BCORL1: variants seen among roughly 807,000 people sequenced by gnomAD.
BCORL1 encodes the protein BCL6 corepressor like 1, also known as BCL-6 corepressor-like protein 1.
In BCORL1, 7 loss-of-function variants were observed where a neutral mutation model predicts 87.6. That is an observed-to-expected ratio of 0.08 (90% CI 0.05 to 0.15). The LOEUF (loss-of-function observed/expected upper bound fraction) is 0.15, where lower values mean the gene tolerates loss of function less well. Among genes scored for constraint, BCORL1 ranks in the 10% least tolerant of loss-of-function variants. The pLI is 1.00. For missense variants in BCORL1, 1,215 were observed against 1,499.7 expected, an observed-to-expected ratio of 0.81 and a Z score of 3.13; for synonymous variants, 591 against 634.4, an observed-to-expected ratio of 0.93 and a Z score of 1.03.
intron 9 of BCORL1, among the ~76,000 whole-genome samples, chrX:130,036,545 G>A (rs1447495827): frequency 8.9e-6 from 1 of 112,811 alleles, no homozygotes; most frequent in African/African-American, 3.2e-5. Flanking sequence ...ACAGGCGTGA[G>A]CCACTGCACC....
At chrX:130,051,324 C>T (rs1034772751) in intron 12 of BCORL1, among the ~76,000 whole-genome samples, 22 of 112,839 alleles carry the variant, frequency 1.9e-4, no homozygotes, top group Admixed American at 1.9e-4. Context: ...GGGCTAGGGA[C>T]TGAAGATGAA....
intron 5 of BCORL1, 111 bp downstream of exon 5, chrX:130,021,261 A>C: frequency 1.8e-6 from 2 of 1,084,021 alleles, no homozygotes; most frequent in Non-Finnish European, 2.4e-6. Flanking sequence ...GAAAAGTGAG[A>C]CTTCTTCACT....
intron 1 of BCORL1, among the ~76,000 whole-genome samples, chrX:129,990,393 G>A (rs1237350020): frequency 1.8e-5 from 2 of 109,760 alleles, no homozygotes; most frequent in Non-Finnish European, 3.8e-5. Context: ...CACCGTGCCC[G>A]GCTAATTTTT....
intron 8 of BCORL1, among the ~76,000 whole-genome samples, chrX:130,032,611 A>G (rs1410455861): frequency 9.0e-6 from 1 of 111,497 alleles, no homozygotes; most frequent in African/African-American, 3.3e-5. Context: ...TGACTCCCAC[A>G]GTCTGCCCTC....
intron 1 of BCORL1, among the ~76,000 whole-genome samples, chrX:129,985,627 A>G (rs150427360): frequency 0.015 from 1,691 of 111,577 alleles, 31 homozygotes; most frequent in African/African-American, 0.053. Context: ...AGTCAAGTTA[A>G]GAGAATCTGA....
intron 5 of BCORL1, among the ~76,000 whole-genome samples, chrX:130,021,587 C>G (rs1433187350): frequency 8.9e-6 from 1 of 112,024 alleles, no homozygotes; most frequent in Non-Finnish European, 1.9e-5. Context: ...TTAGAGAAAT[C>G]TTAAACGTTT....
chrX:129,994,172 G>A (rs781376230), intron 1 of BCORL1, among the ~76,000 whole-genome samples: 70 of 112,755 alleles, frequency 6.2e-4, no homozygotes, highest in African/African-American at 2.1e-3. Flanking sequence ...CAGGTGACAT[G>A]GTAAATGGAC....
chrX:129,992,558 C>G (rs1282869067), intron 1 of BCORL1, among the ~76,000 whole-genome samples: 1 of 112,254 alleles, frequency 8.9e-6, no homozygotes, highest in Middle Eastern at 4.2e-3. Flanking sequence ...ATAGCTGAGT[C>G]TGTTCTGTTG....
chrX:130,019,161 A>G (rs1232968026), intron 4 of BCORL1, among the ~76,000 whole-genome samples: 2 of 112,439 alleles, frequency 1.8e-5, no homozygotes, highest in Non-Finnish European at 3.8e-5. Flanking sequence ...AACTTCATGC[A>G]TAAGTTGGAG....
Position 130,055,878 on chromosome X carries a change from C to T in BCORL1, c.5100C>T (p.Ser1700=), listed in dbSNP as rs747185890. 20 of 1,207,428 alleles carry T rather than the reference C, an allele frequency of 1.7e-5. No individual in the cohort carries two copies. Among genetic ancestry groups the T allele is most frequent in the Non-Finnish European group, 2.1e-5 (19 of 893,557 alleles). ...SRGPCNWFLF[S]DVLKRLKLSS... ...GGCCCTGCAACTGGTTCCTCTTTTC[C>T]GATGTCTTGAAGAGGCTGAAGCTTT... The change falls in exon 14 of 14, where the codon TCC becomes TCT. Residue 1700 remains serine, a synonymous_variant. Transcript: ENST00000540052.
At position 130,031,397 on chromosome X, in the gene BCORL1, G is replaced by A. The variant is rs187168958; in HGVS notation, c.4305+2536G>A. 6.2e-5 allele frequency among the ~76,000 whole-genome samples: 7 copies of A among 112,484 alleles called. No homozygotes were observed. The East Asian group carries it at 1.7e-3, about 27-fold the overall frequency. On this transcript the variant is annotated intron_variant, in intron 8 of 13. Transcript: ENST00000540052. ...GAGCCCTCATCTTCTGTTCTCTACT[G>A]CTCCTTTCCTGACTTGATGTCTTTT...
intron 11 of BCORL1, among the ~76,000 whole-genome samples, chrX:130,042,036 G>A (rs1203503157): frequency 9.0e-6 from 1 of 111,457 alleles, no homozygotes; most frequent in Non-Finnish European, 1.9e-5. Flanking sequence ...GTGTTGCCCA[G>A]GCTAGAGACT....
chrX:130,019,672 C>T (rs765807872), intron 4 of BCORL1, among the ~76,000 whole-genome samples: 3 of 111,852 alleles, frequency 2.7e-5, no homozygotes, highest in South Asian at 7.5e-4. Context: ...CCCCAGCCCC[C>T]GAAAATGTTC....
rs770946442 is a variant in BCORL1, at chrX:130,013,198, T to G, written c.426T>G (p.Thr142=). 2.7e-5 allele frequency: 33 copies of G among 1,210,504 alleles called. 1 individual carries two copies. The Admixed American group carries it at 5.5e-4, about 20-fold the overall frequency. Residue 142 remains threonine, a synonymous_variant, in exon 4 of 14, where the codon ACT becomes ACG. Coordinates refer to ENST00000540052, the MANE Select transcript of BCORL1 (RefSeq NM_001379451.1). ...ASNSRADCSW[T]PLNTQMSKQV... Reference sequence around the variant, plus strand: ...ACAGCAGGGCCGACTGCTCCTGGACTCCACTCAACACCCAAATGAGCAAAC... The same window carrying G: ...ACAGCAGGGCCGACTGCTCCTGGACGCCACTCAACACCCAAATGAGCAAAC...
rs1035534692 is a variant in BCORL1 at position 130,014,116 on chromosome X, G to A, written c.1344G>A (p.Pro448=). The A allele has an allele frequency of 2.4e-5, 29 of 1,210,733 alleles. No homozygotes were observed. The highest frequency in any genetic ancestry group is 3.1e-5 in the Non-Finnish European group (28 of 895,096). Reference sequence around the variant, plus strand: ...GGACAGTGCTGACCCCGAGCCAGCCGCTGGTATATATCCCGCCTCCAAGCT... The same window carrying A: ...GGACAGTGCTGACCCCGAGCCAGCCACTGGTATATATCCCGCCTCCAAGCT... ...QPGTVLTPSQ[P]LVYIPPPSCG... is the part of the protein sequence containing the mutation. The change falls in exon 4 of 14, where the codon CCG becomes CCA. Residue 448 remains proline, a synonymous_variant. Transcript: ENST00000540052.
chrX:130,025,496 C>G (rs1215426992), intron 7 of BCORL1, 117 bp downstream of exon 7: 6 of 684,694 alleles, frequency 8.8e-6, no homozygotes, highest in Non-Finnish European at 1.3e-5. Flanking sequence ...GCTATGATCT[C>G]CAGCTGCCAG....
At position 130,014,654 on chromosome X, in the gene BCORL1, T is replaced by G; in HGVS notation, c.1882T>G (p.Ser628Ala). ...SEMPLDLSSK[S>A]NRQKLPLPNQ... is the part of the protein sequence containing the mutation. ...GATGCCCCTTGATCTGTCCTCCAAG[T>G]CCAACCGCCAGAAGCTTCCATTGCC... The change falls in exon 4 of 14, where the codon TCC becomes GCC. Residue 628 changes from serine (S) to alanine (A), a missense_variant. Ser to Ala is a moderately conservative substitution (Grantham distance 99). This residue lies in a region of BCORL1 where 861 missense variants were observed against 1,010.0 expected (regional missense o/e 0.85). Transcript: ENST00000540052. 8.3e-7 allele frequency: 1 copy of G among 1,211,002 alleles called. No individual in the cohort carries two copies. Among genetic ancestry groups the G allele is most frequent in the African/African-American group, 1.7e-5 (1 of 57,563 alleles).
At chrX:129,992,812 C>T (rs1447892815) in intron 1 of BCORL1, among the ~76,000 whole-genome samples, 1 of 111,046 alleles carries the variant, frequency 9.0e-6, no homozygotes, top group African/African-American at 3.3e-5. Flanking sequence ...TCTGCCTCGG[C>T]CTCTCAGTGT....
intron 1 of BCORL1, among the ~76,000 whole-genome samples, chrX:129,991,244 G>A (rs908808219): frequency 9.0e-6 from 1 of 111,635 alleles, no homozygotes; most frequent in Non-Finnish European, 1.9e-5. Context: ...AGCCTTCTGA[G>A]TAGCTGGGAT....
Sources: allele counts gnomAD v4.1 joint callset (sites outside exome capture counted in the v4.1 genomes callset), GRCh38; gene constraint gnomAD v4.1.1; regional missense constraint gnomAD v4.1.1; transcripts MANE v1.5; gene names NCBI Gene and HGNC (gene_info 2026-07-23, HGNC 2026-07-21).